The following NTRK1 variants were observed in gnomAD, a reference collection of about 807,000 sequenced individuals.
NTRK1 encodes the protein neurotrophic receptor tyrosine kinase 1.
NTRK1 carries 62 observed loss-of-function variants against 86.8 expected under a neutral mutation model. That is an observed-to-expected ratio of 0.71 (90% CI 0.58 to 0.88). The LOEUF (loss-of-function observed/expected upper bound fraction) is 0.88. Ranked by LOEUF, NTRK1 falls within the 40% of genes least tolerant of loss-of-function variation. NTRK1 has a pLI of 0.00. For synonymous variants in NTRK1, 469 were observed against 456.6 expected, an observed-to-expected ratio of 1.03 and a Z score of -0.35; for missense variants, 967 against 1,078.4, an observed-to-expected ratio of 0.90 and a Z score of 1.45.
At chr1:156,834,755 A>C (rs561676769) in intron 1 of NTRK1, among the ~76,000 whole-genome samples, 1 of 151,470 alleles carries the variant, frequency 6.6e-6, no homozygotes, top group Non-Finnish European at 1.5e-5. Flanking sequence ...AACAAAAACT[A>C]TTCTGGGTAG....
At position 156,854,360 on chromosome 1, in the gene NTRK1, A is replaced by T. The variant is rs1321494083; in HGVS notation, c.51-9994A>T. On this transcript the variant is annotated intron_variant, in intron 2 of 16. Coordinates refer to the NTRK1 transcript ENST00000392302. The surrounding 1 kb of genome is among the most constrained non-coding windows in gnomAD (Gnocchi z 4.2). ...ACAGCCCAGGCCAAATTCCCCATCCAGCCCTGGCAGCTTTGGAGGGGAGCC... is the reference window on the plus strand; with the variant it reads ...ACAGCCCAGGCCAAATTCCCCATCCTGCCCTGGCAGCTTTGGAGGGGAGCC... 1 of 1,496,530 alleles carries T rather than the reference A, an allele frequency of 6.7e-7. No homozygotes were observed. 92.7% of individuals were successfully genotyped at this position (1,496,530 alleles called of 1,614,324 possible).
chr1:156,869,009 T>C (rs1647364018), intron 6 of NTRK1, among the ~76,000 whole-genome samples: 1 of 48,022 alleles, frequency 2.1e-5, no homozygotes, highest in Non-Finnish European at 4.6e-5. Context: ...GTACATCACT[T>C]TTCTCTCTCC....
chr1:156,828,850 C>G (rs1418868769), intron 1 of NTRK1, among the ~76,000 whole-genome samples: 1 of 152,202 alleles, frequency 6.6e-6, no homozygotes, highest in Non-Finnish European at 1.5e-5. Flanking sequence ...AGGAAATGAC[C>G]AGTGACTCAG....
At chr1:156,850,731 A>T (rs1655178079) in intron 2 of NTRK1, among the ~76,000 whole-genome samples, 1 of 148,512 alleles carries the variant, frequency 6.7e-6, no homozygotes. Flanking sequence ...CTTTTTTTGT[A>T]TTTTTAGTAA....
intron 3 of NTRK1, 40 bp from the exon 4 acceptor site, chr1:156,866,870 C>T (rs907775136): frequency 1.5e-5 from 24 of 1,604,766 alleles, no homozygotes; most frequent in African/African-American, 2.7e-5. Context: ...GAGGTCGGGT[C>T]ACTCAAGGGG....
intron 1 of NTRK1, among the ~76,000 whole-genome samples, chr1:156,826,571 G>T (rs1180879114): frequency 6.6e-6 from 1 of 152,144 alleles, no homozygotes; most frequent in Non-Finnish European, 1.5e-5. Flanking sequence ...TTACAGGCAT[G>T]AGCCACTGTG....
intron 2 of NTRK1, chr1:156,844,482 G>T (rs1474641249): frequency 1.2e-6 from 2 of 1,613,900 alleles, no homozygotes; most frequent in Non-Finnish European, 1.7e-6. Context: ...GATGTAGAAG[G>T]CAACACTGTC....
chr1:156,864,714 G>T lies in NTRK1; in HGVS notation c.288-14G>T. 6.2e-7 allele frequency: 1 copy of T among 1,613,808 alleles called. No individual in the cohort carries two copies. Among genetic ancestry groups the T allele is most frequent in the Non-Finnish European group, 8.5e-7 (1 of 1,179,858 alleles). ...CTGAGACCTGGGGACTGATCCTCCT[G>T]CACCCCTCCCCAGCACCATCGTGAA... On this transcript the variant is annotated splice_polypyrimidine_tract_variant and intron_variant, in intron 2 of 16. Coordinates refer to ENST00000524377, the MANE Select transcript of NTRK1 (RefSeq NM_002529.4).
intron 1 of NTRK1, among the ~76,000 whole-genome samples, chr1:156,829,116 A>G (rs1225040113): frequency 6.6e-6 from 1 of 152,184 alleles, no homozygotes; most frequent in Non-Finnish European, 1.5e-5. Flanking sequence ...TTATGAACAA[A>G]TAGGAAAAGT....
In NTRK1 at chr1:156,874,974, C is replaced by G. The variant is rs147443162; in HGVS notation, c.1320C>G (p.Asn440Lys). 127 of 1,613,984 alleles carry G rather than the reference C, an allele frequency of 7.9e-5. No homozygotes were observed. The African/African-American group carries it at 1.4e-3, about 18-fold the overall frequency. Reference sequence around the variant, plus strand: ...TTTCTACGCTGCTCCTTGTGCTCAACAAATGTGGACGGAGAAACAAGTTTG... The same window carrying G: ...TTTCTACGCTGCTCCTTGTGCTCAAGAAATGTGGACGGAGAAACAAGTTTG... Reference protein sequence around the residue: ...LFLSTLLLVLNKCGRRNKFGI... With the variant: ...LFLSTLLLVLKKCGRRNKFGI... The change falls in exon 11 of 17, where the codon AAC becomes AAG. Residue 440 changes from asparagine to lysine, a missense_variant. Physicochemically the swap from Asn to Lys is moderately conservative, Grantham distance 94. Coordinates refer to ENST00000524377, the MANE Select transcript of NTRK1 (RefSeq NM_002529.4).
Position 156,815,854 on chromosome 1 carries a change from G to T in NTRK1, c.-64+16G>T, listed in dbSNP as rs200656218. ...CATGAAGGAGGTACTCCTCATTTTC[G>T]TTCTCTCTCTCTGTGCCCCAGCCCG... On this transcript the variant is annotated intron_variant, in intron 1 of 16. Transcript: ENST00000392302. 341 of 1,614,130 alleles carry T rather than the reference G, an allele frequency of 2.1e-4. 3 individuals carry two copies. The African/African-American group carries it at 3.1e-3, about 15-fold the overall frequency.
chr1:156,825,417 T>A (rs191954004), intron 1 of NTRK1, among the ~76,000 whole-genome samples: 1 of 152,208 alleles, frequency 6.6e-6, no homozygotes, highest in Non-Finnish European at 1.5e-5. Context: ...AATATGGTGA[T>A]CAAGGGAATC....
intron 1 of NTRK1, among the ~76,000 whole-genome samples, chr1:156,863,738 C>T (rs774667300): frequency 2.0e-5 from 3 of 151,972 alleles, no homozygotes; most frequent in Non-Finnish European, 4.4e-5. Context: ...TGGGCGGGCA[C>T]GTTTGGGAAC....
rs41267425 is a variant in NTRK1 at position 156,866,990 on chromosome 1, C to T, written c.428+12C>T. On this transcript the variant is annotated intron_variant, in intron 4 of 16. Coordinates refer to ENST00000524377, the MANE Select transcript of NTRK1 (RefSeq NM_002529.4). ...TCCTTACAGGAACTGTGAGTGGGGG[C>T]GCTTCCAGGGGCAAGAGCACCAAGT... 35 of 1,614,000 alleles carry T rather than the reference C, an allele frequency of 2.2e-5. No individual in the cohort carries two copies. Among genetic ancestry groups the T allele is most frequent in the East Asian group, 1.6e-4 (7 of 44,882 alleles).
At chr1:156,864,579 A>T in intron 2 of NTRK1, 149 bp from the exon 3 acceptor site, 2 of 1,110,926 alleles carry the variant, frequency 1.8e-6, no homozygotes, top group Admixed American at 4.0e-5. Flanking sequence ...CAGGGCTTTG[A>T]GGGGTCTAGA....
chr1:156,823,907 G>A (rs1371975700), intron 1 of NTRK1, among the ~76,000 whole-genome samples: 1 of 152,188 alleles, frequency 6.6e-6, no homozygotes, highest in Non-Finnish European at 1.5e-5. Context: ...CCCAGTGATA[G>A]ATGCTCTTTG....
At chr1:156,821,443 C>T (rs1442158076) in intron 1 of NTRK1, among the ~76,000 whole-genome samples, 2 of 149,208 alleles carry the variant, frequency 1.3e-5, no homozygotes, top group African/African-American at 2.5e-5. Context: ...CAGAGGCCCC[C>T]TAATTTAGCC....
intron 4 of NTRK1, 83 bp from the exon 5 acceptor site, chr1:156,868,021 C>T: frequency 2.6e-6 from 4 of 1,514,630 alleles, no homozygotes; most frequent in Non-Finnish European, 3.7e-6. Context: ...ACGGTCCTCC[C>T]TGCTGCCTAA....
chr1:156,868,070 C>T (rs1362989974), intron 4 of NTRK1, 34 bp from the exon 5 acceptor site: 17 of 1,613,206 alleles, frequency 1.1e-5, no homozygotes, highest in Non-Finnish European at 1.3e-5. Context: ...CAGGCCCTTT[C>T]CTTGACTCTG....
Sources: gnomAD v4.1 joint callset for allele counts (sites outside exome capture counted in the v4.1 genomes callset) on GRCh38, gnomAD v4.1.1 for gene constraint, Gnocchi (gnomAD v3.1) non-coding constraint, MANE v1.5 for transcripts, NCBI Gene and HGNC (gene_info 2026-07-23, HGNC 2026-07-21) for gene names.